Variants in DCC observed in about 807,000 individuals in gnomAD.
The protein encoded by DCC is DCC netrin 1 receptor.
In DCC, 58 loss-of-function variants were observed where a neutral mutation model predicts 172.5. The observed-to-expected ratio is 0.34, with a 90% CI of 0.27 to 0.42. The LOEUF (loss-of-function observed/expected upper bound fraction) is 0.42. Among genes scored for constraint, DCC ranks in the 10% least tolerant of loss-of-function variants. The probability of loss-of-function intolerance (pLI) is 1.00; values close to 1 mark genes in which losing one functional copy is unlikely to be tolerated. For missense variants in DCC, 1,740 were observed against 1,791.0 expected (o/e 0.97, Z 0.51); for synonymous variants, 709 against 644.5 (o/e 1.10, Z -1.52).
Position 53,532,312 on chromosome 18 carries a change from T to G in DCC, c.*1659T>G, listed in dbSNP as rs951200785. 6.6e-5 allele frequency: 10 copies of G among 152,160 alleles called. No individual in the cohort carries two copies. The highest frequency in any genetic ancestry group is 1.2e-4 in the Non-Finnish European group (8 of 68,028). 9.4% of individuals were successfully genotyped at this position (152,160 alleles called of 1,614,324 possible). On this transcript the variant is annotated 3_prime_UTR_variant, in exon 29 of 29. Transcript: ENST00000442544. ...ATGGCACTGTAACAGAAGTAATAAT[T>G]CAGTTTATTTTTTTACAGTTTTATG...
intron 1 of DCC, among the ~76,000 whole-genome samples, chr18:52,558,255 TATTA>T (rs1450197214): frequency 4.6e-5 from 7 of 151,692 alleles, no homozygotes; most frequent in African/African-American, 1.2e-4. Context: ...TTAATATTAC[TATTA>T]ATTAACATTT....
chr18:53,282,926 T>C (rs879648480), intron 12 of DCC, among the ~76,000 whole-genome samples: 14 of 152,172 alleles, frequency 9.2e-5, no homozygotes, highest in Non-Finnish European at 1.8e-4. Flanking sequence ...GTGCAGAATG[T>C]TCTCTGGTGA....
intron 16 of DCC, among the ~76,000 whole-genome samples, chr18:53,386,352 TTAAG>T (rs1908168911): frequency 6.6e-6 from 1 of 152,130 alleles, no homozygotes; most frequent in Non-Finnish European, 1.5e-5. Context: ...GTTGTCGAAA[TTAAG>T]TAGGAGGAAT....
intron 1 of DCC, among the ~76,000 whole-genome samples, chr18:52,399,943 G>A (rs1031385692): frequency 2.0e-5 from 3 of 151,900 alleles, no homozygotes; most frequent in African/African-American, 4.8e-5. Flanking sequence ...GTAGATGAAT[G>A]CCTACCTCAA....
intron 14 of DCC, among the ~76,000 whole-genome samples, chr18:53,329,812 G>C (rs747966299): frequency 6.6e-6 from 1 of 152,032 alleles, no homozygotes; most frequent in East Asian, 1.9e-4. Flanking sequence ...TAATAAAAAC[G>C]TTTACTATAA....
At chr18:53,074,277 C>A (rs560351956) in intron 7 of DCC, among the ~76,000 whole-genome samples, 3 of 152,038 alleles carry the variant, frequency 2.0e-5, no homozygotes, top group African/African-American at 7.2e-5. Flanking sequence ...CAATGTTAAC[C>A]GACCCAAGCA....
intron 1 of DCC, among the ~76,000 whole-genome samples, chr18:52,409,738 T>C (rs1436919363): frequency 1.3e-5 from 2 of 152,170 alleles, no homozygotes; most frequent in African/African-American, 4.8e-5. Flanking sequence ...AGTACCATAA[T>C]GTATTCAAAA....
chr18:52,398,253 G>C (rs1334849262), intron 1 of DCC, among the ~76,000 whole-genome samples: 1 of 151,938 alleles, frequency 6.6e-6, no homozygotes, highest in Non-Finnish European at 1.5e-5. Context: ...TGTTAAATAA[G>C]CCTGATAGTT....
intron 1 of DCC, among the ~76,000 whole-genome samples, chr18:52,742,199 G>A (rs770295486): frequency 6.6e-6 from 1 of 152,138 alleles, no homozygotes; most frequent in East Asian, 1.9e-4. Flanking sequence ...CCCAATCTAT[G>A]GTATTTTGTT....
intron 15 of DCC, among the ~76,000 whole-genome samples, chr18:53,343,253 A>C (rs2057683203): frequency 6.6e-6 from 1 of 151,938 alleles, no homozygotes. Flanking sequence ...GTCTGATCTT[A>C]GGAGAAAAAA....
At chr18:52,570,516 T>C (rs1197436712) in intron 1 of DCC, among the ~76,000 whole-genome samples, 7 of 152,206 alleles carry the variant, frequency 4.6e-5, no homozygotes, top group Non-Finnish European at 8.8e-5. Flanking sequence ...TGATTCCTTT[T>C]AGTAAAATGG....
chr18:52,829,198 A>C (rs566060906), intron 2 of DCC, among the ~76,000 whole-genome samples: 2 of 152,296 alleles, frequency 1.3e-5, no homozygotes, highest in East Asian at 3.9e-4. Flanking sequence ...ATTTGAGCTA[A>C]CTTTTCTTTT....
chr18:53,008,256 C>G (rs1367429964), intron 5 of DCC, among the ~76,000 whole-genome samples: 1 of 152,028 alleles, frequency 6.6e-6, no homozygotes, highest in Non-Finnish European at 1.5e-5. Context: ...GCACTTTGCT[C>G]AGTTATTTCG....
chr18:53,400,734 T>G (rs62100019), intron 18 of DCC, among the ~76,000 whole-genome samples: 64,087 of 151,586 alleles, frequency 0.42, 15,248 homozygotes, highest in Non-Finnish European at 0.55. Context: ...AGCACCTGAA[T>G]TAGATTGGTT....
At chr18:52,751,767 C>A (rs1456618866) in intron 1 of DCC, among the ~76,000 whole-genome samples, 1 of 152,116 alleles carries the variant, frequency 6.6e-6, no homozygotes, top group South Asian at 2.1e-4. Context: ...TCTAAATTTT[C>A]ATGTACTGAC....
At chr18:53,349,961 C>T (rs2057769965) in intron 15 of DCC, among the ~76,000 whole-genome samples, 1 of 152,164 alleles carries the variant, frequency 6.6e-6, no homozygotes, top group African/African-American at 2.4e-5. Flanking sequence ...TTTTAAAAAA[C>T]TGAATTTGGC....
intron 5 of DCC, among the ~76,000 whole-genome samples, chr18:52,936,843 G>A (rs1268424764): frequency 2.0e-5 from 3 of 152,172 alleles, no homozygotes; most frequent in Admixed American, 6.5e-5. Flanking sequence ...GTCAGCAAGA[G>A]TTAGGATCAG....
intron 13 of DCC, among the ~76,000 whole-genome samples, chr18:53,307,964 G>T (rs2057222987): frequency 1.6e-5 from 2 of 125,336 alleles, no homozygotes; most frequent in Non-Finnish European, 1.7e-5. Flanking sequence ...TTTTATACGA[G>T]GTATATACAT....
At chr18:53,385,008 G>A (rs1191145833) in intron 15 of DCC, among the ~76,000 whole-genome samples, 39 of 142,624 alleles carry the variant, frequency 2.7e-4, no homozygotes, top group African/African-American at 9.3e-4. Context: ...CACAGTGCCC[G>A]GCTAATTTTT....
Sources: allele counts gnomAD v4.1 joint callset (sites outside exome capture counted in the v4.1 genomes callset), GRCh38; gene constraint gnomAD v4.1.1; transcripts MANE v1.5; gene names NCBI Gene and HGNC (gene_info 2026-07-23, HGNC 2026-07-21).